The following WDR47 variants were observed in gnomAD, a reference collection of about 807,000 sequenced individuals.
WDR47 encodes WD repeat-containing protein 47.
Under a neutral mutation model 97.2 loss-of-function variants are expected in WDR47, and 32 were observed. The ratio of observed to expected loss-of-function variants is 0.33; its 90% CI spans 0.25 to 0.44. The LOEUF (loss-of-function observed/expected upper bound fraction) is 0.44, where lower values mean the gene tolerates loss of function less well. Among genes scored for constraint, WDR47 ranks in the 20% least tolerant of loss-of-function variants. The pLI is 1.00. For missense variants in WDR47, 782 were observed against 1,102.3 expected (o/e 0.71, Z 4.11); for synonymous variants, 375 against 373.5 (o/e 1.00, Z -0.05).
At chr1:108,997,143 TG>T (rs1336323027) in intron 7 of WDR47, among the ~76,000 whole-genome samples, 2 of 148,982 alleles carry the variant, frequency 1.3e-5, no homozygotes, top group African/African-American at 5.0e-5. Flanking sequence ...GTTAGACCCA[TG>T]GCCAGGAGCG....
chr1:109,001,454 G>T (rs1660182966), intron 7 of WDR47, among the ~76,000 whole-genome samples: 1 of 152,124 alleles, frequency 6.6e-6, no homozygotes, highest in Admixed American at 6.5e-5. Flanking sequence ...AAAAAAATCT[G>T]TAGGTTTAAG....
At chr1:109,007,162 AACTCCTGGGTTC>A (rs1370764830) in intron 5 of WDR47, among the ~76,000 whole-genome samples, 1 of 151,370 alleles carries the variant, frequency 6.6e-6, no homozygotes, top group Non-Finnish European at 1.5e-5. Flanking sequence ...GATAGTCCTG[AACTCCTGGGTTC>A]CAGTGATCCA....
At chr1:109,016,890 C>T (rs147352345) in intron 3 of WDR47, among the ~76,000 whole-genome samples, 241 of 151,888 alleles carry the variant, frequency 1.6e-3, no homozygotes, top group African/African-American at 5.8e-3. Context: ...CAAACAAGGA[C>T]TACACTAGCA....
intron 4 of WDR47, among the ~76,000 whole-genome samples, chr1:109,012,572 C>CAAAA (rs57237933): frequency 0.39 from 28,387 of 73,618 alleles, 7,239 homozygotes; most frequent in East Asian, 0.63. Flanking sequence ...GACTCCATCT[C>CAAAA]AAAAAAAAAA....
chr1:109,000,782 C>CA (rs914514482), intron 7 of WDR47, among the ~76,000 whole-genome samples: 2 of 152,132 alleles, frequency 1.3e-5, no homozygotes, highest in African/African-American at 4.8e-5. Flanking sequence ...ACACAACACT[C>CA]AGAGTTGTCA....
chr1:108,972,000 T>A (rs2101765788), intron 14 of WDR47, among the ~76,000 whole-genome samples: 1 of 152,282 alleles, frequency 6.6e-6, no homozygotes, highest in Admixed American at 6.5e-5. Flanking sequence ...TCATACATAT[T>A]TTATCTCCAA....
intron 1 of WDR47, among the ~76,000 whole-genome samples, chr1:109,039,185 C>G (rs760969272): frequency 6.6e-6 from 1 of 151,940 alleles, no homozygotes; most frequent in Admixed American, 6.6e-5. Flanking sequence ...ATACAATGAT[C>G]GAGCTATTAC....
chr1:109,040,455 G>T (rs1281284561), intron 1 of WDR47, among the ~76,000 whole-genome samples: 1 of 151,342 alleles, frequency 6.6e-6, no homozygotes, highest in African/African-American at 2.4e-5. Context: ...TTTTTAAGGC[G>T]AGGGAGAAAA....
rs767862406 is a variant in WDR47 at position 108,991,266 on chromosome 1, C to T, written c.1755G>A (p.Ser585=). The part of the protein sequence containing the change: ...LGDSPGSLSR[S]KGEEDDKSKK... Reference sequence around the variant, plus strand: ...CCCAAAGTATTACCTCTTCCCCTTTCGACCTTGAAAGACTCCCTGGAGAAT... The same window carrying T: ...CCCAAAGTATTACCTCTTCCCCTTTTGACCTTGAAAGACTCCCTGGAGAAT... The change falls in exon 9 of 15, where the codon TCG becomes TCA. Residue 585 remains serine (S), a synonymous_variant. Transcript: ENST00000369962. 135 of 1,612,886 alleles carry T rather than the reference C, an allele frequency of 8.4e-5. No homozygotes were observed. Among genetic ancestry groups the T allele is most frequent in the Non-Finnish European group, 9.1e-5 (107 of 1,179,214 alleles).
rs1657430009 is a variant in WDR47 at position 108,971,216 on chromosome 1, AG to A, written c.*213del. 3 of 565,802 alleles carry A rather than the reference AG, an allele frequency of 5.3e-6. No homozygotes were observed. The highest frequency in any genetic ancestry group is 9.1e-6 in the Non-Finnish European group (3 of 331,032). 35.0% of individuals were successfully genotyped at this position (565,802 alleles called of 1,614,324 possible). ...AGACTTTGGCAACGAGACTACATAT[AG>A]CAGGTCACAGCAGCACGAGCTCACA... On this transcript the variant is annotated 3_prime_UTR_variant, in exon 15 of 15. Coordinates refer to ENST00000369962, the MANE Select transcript of WDR47 (RefSeq NM_001142551.2).
intron 8 of WDR47, 87 bp downstream of exon 8, chr1:108,995,493 T>C (rs1659675231): frequency 2.0e-6 from 3 of 1,502,486 alleles, no homozygotes; most frequent in African/African-American, 1.4e-5. Context: ...TAAAAACTTT[T>C]ATTTATAAGG....
Position 108,974,608 on chromosome 1 carries a change from G to T in WDR47, c.2545C>A (p.Arg849=), listed in dbSNP as rs568198706. The T allele has an allele frequency of 6.8e-6, 11 of 1,614,028 alleles. No homozygotes were observed. In the South Asian group the frequency reaches 8.8e-5, roughly 13 times the overall value. The change falls in exon 14 of 15, where the codon CGA becomes AGA. Residue 849 remains arginine, a synonymous_variant. Transcript: ENST00000369962. ...HPHSSDVRSV[R]FSPGAHYLLT... ...AAGTAGTGAGCTCCAGGGGAGAATC[G>T]AACAGAGCGAACATCACTGGAATGA...
rs753446948 is a variant in WDR47 at position 109,011,070 on chromosome 1, T to C, written c.976A>G (p.Ser326Gly). The change falls in exon 5 of 15, where the codon AGT (serine) becomes GGT (glycine). Residue 326 changes from serine (S) to glycine (G), a missense_variant. By Grantham distance (56) the Ser-to-Gly change is moderately conservative. This residue lies in a region of WDR47 where 428 missense variants were observed against 584.3 expected (regional missense o/e 0.73). Coordinates refer to ENST00000369962, the MANE Select transcript of WDR47 (RefSeq NM_001142551.2). ...AGGTCTGAAATTCTCTTATCATGAC[T>C]GGTTAGTCCACAGGTGAGGCCATCT... The part of the protein sequence containing the change: ...ALDGLTCGLT[S>G]HDKRISDLGN... 1.9e-6 allele frequency: 3 copies of C among 1,614,144 alleles called. No homozygotes were observed. Among genetic ancestry groups the C allele is most frequent in the Non-Finnish European group, 2.5e-6 (3 of 1,180,038 alleles).
chr1:108,992,915 A>G, intron 8 of WDR47: 1 of 1,025,142 alleles, frequency 9.8e-7, no homozygotes, highest in Admixed American at 2.2e-5. Context: ...AAATTGCTAA[A>G]TAATATTTTT....
At chr1:109,029,490 T>G (rs2102025097) in intron 1 of WDR47, among the ~76,000 whole-genome samples, 1 of 152,000 alleles carries the variant, frequency 6.6e-6, no homozygotes, top group East Asian at 1.9e-4. Flanking sequence ...TAAAACCCTG[T>G]CTCTACTGAA....
At chr1:109,019,873 A>G (rs773872391) in intron 2 of WDR47, among the ~76,000 whole-genome samples, 9 of 152,218 alleles carry the variant, frequency 5.9e-5, no homozygotes, top group Non-Finnish European at 1.3e-4. Flanking sequence ...TGAATGTTTT[A>G]GAACAGAGAA....
At chr1:108,981,086 C>A (rs1173586653) in intron 13 of WDR47, among the ~76,000 whole-genome samples, 1 of 151,520 alleles carries the variant, frequency 6.6e-6, no homozygotes, top group Non-Finnish European at 1.5e-5. Flanking sequence ...CAAGATCACG[C>A]CACTGCACTC....
intron 1 of WDR47, among the ~76,000 whole-genome samples, chr1:109,035,622 C>T (rs903519363): frequency 5.9e-5 from 9 of 151,582 alleles, no homozygotes; most frequent in African/African-American, 1.9e-4. Context: ...CTTGGCCTCC[C>T]GAGTAGCTGG....
chr1:109,011,763 T>A, intron 4 of WDR47, 45 bp from the exon 5 acceptor site: 7 of 1,503,670 alleles, frequency 4.7e-6, no homozygotes, highest in Non-Finnish European at 6.2e-6. Context: ...ATAAAAAACA[T>A]GCTATGAAAT....
Sources: gnomAD v4.1 joint callset for allele counts (sites outside exome capture counted in the v4.1 genomes callset) on GRCh38, gnomAD v4.1.1 for gene constraint, gnomAD v4.1.1 regional missense constraint, MANE v1.5 for transcripts, NCBI Gene and HGNC (gene_info 2026-07-23, HGNC 2026-07-21) for gene names.